IRX6: variants seen among roughly 807,000 people sequenced by gnomAD.
IRX6 encodes the protein iroquois-class homeodomain protein IRX-6.
Under a neutral mutation model 47.7 loss-of-function variants are expected in IRX6, and 46 were observed. The observed-to-expected ratio is 0.96, with a 90% confidence interval of 0.76 to 1.23. IRX6 has a LOEUF of 1.23. Ranked by LOEUF, IRX6 falls within the 50% of genes most tolerant of loss-of-function variation. The pLI, the probability that IRX6 is intolerant of heterozygous loss-of-function variation, is 0.00. For synonymous variants in IRX6, 265 were observed against 246.2 expected (o/e 1.08, Z -0.72); for missense variants, 722 against 588.0 (o/e 1.23, Z -2.36).
chr16:55,328,713 C>T lies in IRX6; in HGVS notation c.735C>T (p.Ser245=), dbSNP rs199714803. ...LTADTKEVTA[S]QEARGLRLSD... ...GATTTCCTGCAGAAGTTACTGCTAGCCAGGAGGCCCGGGGGCTCCGGCTGA... is the reference window on the plus strand; with the variant it reads ...GATTTCCTGCAGAAGTTACTGCTAGTCAGGAGGCCCGGGGGCTCCGGCTGA... The change falls in exon 5 of 6, where the codon AGC becomes AGT. Residue 245 remains serine, a synonymous_variant. Coordinates refer to ENST00000290552, the MANE Select transcript of IRX6 (RefSeq NM_024335.3). 1.0e-4 allele frequency: 166 copies of T among 1,612,924 alleles called. No individual in the cohort carries two copies. Among genetic ancestry groups the T allele is most frequent in the Non-Finnish European group, 1.3e-4 (154 of 1,179,940 alleles).
chr16:55,326,807 C>A, intron 2 of IRX6: 1 of 496,578 alleles, frequency 2.0e-6, no homozygotes, highest in East Asian at 3.1e-5. Flanking sequence ...GGCAAGTAAT[C>A]ATTAATCTCA....
At chr16:55,329,922 C>A (rs1386679598) in intron 5 of IRX6, among the ~76,000 whole-genome samples, 6 of 152,190 alleles carry the variant, frequency 3.9e-5, no homozygotes, top group African/African-American at 1.4e-4. Flanking sequence ...AGCACTCTAC[C>A]CAGGGCTCAT....
chr16:55,325,563 A>AAG lies in IRX6; in HGVS notation c.45+429_45+430dup, dbSNP rs1567338611. The stretch of plus-strand genomic sequence containing the variant: ...AGAGAGAGAGAGAGAGAGAGAGAGA[A>AAG]AGAAAGAGAAAGAAAGAAAGAAGGA... On this transcript the variant is annotated intron_variant, in intron 1 of 5. Coordinates refer to ENST00000290552, the MANE Select transcript of IRX6 (RefSeq NM_024335.3). Among the ~76,000 whole-genome samples the AAG allele has an allele frequency of 2.4e-4, 3 of 12,560 alleles. 1 individual carries two copies. The highest frequency in any genetic ancestry group is 3.5e-4 in the African/African-American group (1 of 2,848). 8.2% of individuals were successfully genotyped at this position (12,560 alleles called of 152,430 possible).
chr16:55,327,978 G>T, intron 4 of IRX6, 85 bp downstream of exon 4: 1 of 1,392,638 alleles, frequency 7.2e-7, no homozygotes, highest in South Asian at 1.4e-5. Context: ...CTGTAGGGTA[G>T]ATTTTCTGGA....
At chr16:55,327,119 T>C (rs577070639) in intron 2 of IRX6, among the ~76,000 whole-genome samples, 177 bp from the exon 3 acceptor site, 231 of 152,178 alleles carry the variant, frequency 1.5e-3, no homozygotes, top group Middle Eastern at 6.8e-3. Context: ...ATTATCCCCA[T>C]TTTACCAAGG....
chr16:55,325,620 A>C, intron 1 of IRX6, among the ~76,000 whole-genome samples: 1 of 150,832 alleles, frequency 6.6e-6, no homozygotes. Context: ...AGAAAGAAAG[A>C]ACTTGTAGGC....
rs777253951 is a variant in IRX6 at position 55,326,307 on chromosome 16, C to T, written c.46-29C>T. ...CGGGGGTGGGGGGGGGGTCTCTGAC[C>T]TCCAGTGCCCTCTTTCTTGCCCCTA... On this transcript the variant is annotated intron_variant, in intron 1 of 5. Coordinates refer to ENST00000290552, the MANE Select transcript of IRX6 (RefSeq NM_024335.3). 1.1e-5 allele frequency: 18 copies of T among 1,577,392 alleles called. No homozygotes were observed. In the African/African-American group the frequency reaches 1.9e-4, roughly 17 times the overall value.
At position 55,328,816 on chromosome 16, in the gene IRX6, G is replaced by A. The variant is rs1226859039; in HGVS notation, c.838G>A (p.Asp280Asn). 1.9e-6 allele frequency: 3 copies of A among 1,613,072 alleles called. No individual in the cohort carries two copies. The highest frequency in any genetic ancestry group is 1.1e-5 in the South Asian group (1 of 91,082). Reference sequence around the variant, plus strand: ...CGAGGAGGTAGTGGCCACAGCTGGGGACAGGCTGACGGAGTTCCGAAAGGG... The same window carrying A: ...CGAGGAGGTAGTGGCCACAGCTGGGAACAGGCTGACGGAGTTCCGAAAGGG... Reference protein sequence around the residue: ...EDEEVVATAGDRLTEFRKGAQ... With the variant: ...EDEEVVATAGNRLTEFRKGAQ... The change falls in exon 5 of 6, where the codon GAC becomes AAC. Residue 280 changes from aspartate to asparagine, a missense_variant. Transcript: ENST00000290552.
chr16:55,328,484 AAGGGTGGTTGC>A (rs1960577046), intron 4 of IRX6, among the ~76,000 whole-genome samples: 1 of 152,136 alleles, frequency 6.6e-6, no homozygotes, highest in Non-Finnish European at 1.5e-5. Flanking sequence ...GAGTCCGCTA[AAGGGTGGTTGC>A]AGGGCTGGGG....
intron 4 of IRX6, 141 bp from the exon 5 acceptor site, chr16:55,328,559 G>A (rs977360692): frequency 3.5e-6 from 3 of 849,800 alleles, no homozygotes; most frequent in African/African-American, 1.7e-5. Context: ...AATGCAAGGG[G>A]TGGTACGGCA....
chr16:55,328,462 TCGC>T (rs2142270164), intron 4 of IRX6, among the ~76,000 whole-genome samples: 1 of 152,292 alleles, frequency 6.6e-6, no homozygotes, highest in South Asian at 2.1e-4. Context: ...TTGGCACTGC[TCGC>T]TAGAGGAGGA....
intron 1 of IRX6, 25 bp downstream of exon 1, chr16:55,325,161 AG>A: frequency 6.2e-7 from 1 of 1,612,270 alleles, no homozygotes; most frequent in Non-Finnish European, 8.5e-7. Flanking sequence ...TATGGGGGAT[AG>A]GGGACAGACT....
rs746455750 is a variant in IRX6, at chr16:55,326,309, C to G, written c.46-27C>G. 40 of 1,586,116 alleles carry G rather than the reference C, an allele frequency of 2.5e-5. 1 individual carries two copies. In the South Asian group the frequency reaches 4.4e-4, roughly 18 times the overall value. ...GGGGTGGGGGGGGGGTCTCTGACCTCCAGTGCCCTCTTTCTTGCCCCTATA... is the reference window on the plus strand; with the variant it reads ...GGGGTGGGGGGGGGGTCTCTGACCTGCAGTGCCCTCTTTCTTGCCCCTATA... On this transcript the variant is annotated intron_variant, in intron 1 of 5. Transcript: ENST00000290552.
rs866274875 is a variant in IRX6 at position 55,329,122 on chromosome 16, C to T, written c.1144C>T (p.Pro382Ser). 1 of 1,614,130 alleles carries T rather than the reference C, an allele frequency of 6.2e-7. No homozygotes were observed. The highest frequency in any genetic ancestry group is 8.5e-7 in the Non-Finnish European group (1 of 1,180,040). ...ACGAAGTCCTGAGTGCCGTATGATT[C>T]CTGGACAGCCTCCTGCCTCTGCCCG... ...RPRSPECRMIPGQPPASARRL... is the reference protein window; with the variant it reads ...RPRSPECRMISGQPPASARRL... The change falls in exon 5 of 6, where the codon CCT becomes TCT. Residue 382 changes from proline to serine, a missense_variant. Coordinates refer to ENST00000290552, the MANE Select transcript of IRX6 (RefSeq NM_024335.3).
chr16:55,325,196 C>G (rs555245719), intron 1 of IRX6, 60 bp downstream of exon 1: 4 of 1,524,526 alleles, frequency 2.6e-6, no homozygotes, highest in Admixed American at 3.4e-5. Flanking sequence ...GCCTAGTGCA[C>G]GGCGCCTGCC....
chr16:55,326,288 TGGG>T, intron 1 of IRX6, 45 bp from the exon 2 acceptor site: 16 of 950,046 alleles, frequency 1.7e-5, no homozygotes, highest in Non-Finnish European at 2.3e-5. Context: ...GGGGCGGGGG[TGGG>T]GGGGGGGTCT....
rs762498626 is a variant in IRX6, at chr16:55,327,377, C to T, written c.385C>T (p.Arg129Trp). 1.9e-6 allele frequency: 3 copies of T among 1,613,542 alleles called. No homozygotes were observed. Among genetic ancestry groups the T allele is most frequent in the South Asian group, 1.1e-5 (1 of 91,062 alleles). Residue 129 changes from arginine to tryptophan, a missense_variant, in exon 3 of 6, where the codon CGG becomes TGG. Coordinates refer to ENST00000290552, the MANE Select transcript of IRX6 (RefSeq NM_024335.3). ...ACCAGGAGCCTATTATCCCTATGAGCGGACTCTGGGGCAGTACCAATATGA... is the reference window on the plus strand; with the variant it reads ...ACCAGGAGCCTATTATCCCTATGAGTGGACTCTGGGGCAGTACCAATATGA... Reference protein sequence around the residue: ...AQPGAYYPYERTLGQYQYERY... With the variant: ...AQPGAYYPYEWTLGQYQYERY...
At position 55,327,398 on chromosome 16, in the gene IRX6, T is replaced by C. The variant is rs1567339385; in HGVS notation, c.406T>C (p.Tyr136His). Residue 136 changes from tyrosine to histidine, a missense_variant, in exon 3 of 6, where the codon TAT (tyrosine) becomes CAT (histidine). Transcript: ENST00000290552. ...PYERTLGQYQ[Y>H]ERYGAVELSG... ...TGAGCGGACTCTGGGGCAGTACCAA[T>C]ATGAACGGTAAGGAGTGAAGGGCCT... 3 of 1,612,022 alleles carry C rather than the reference T, an allele frequency of 1.9e-6. No homozygotes were observed. Among genetic ancestry groups the C allele is most frequent in the Non-Finnish European group, 2.5e-6 (3 of 1,178,192 alleles).
Position 55,329,327 on chromosome 16 carries a change from C to G in IRX6, c.1333+16C>G, listed in dbSNP as rs372644995. On this transcript the variant is annotated intron_variant, in intron 5 of 5. Transcript: ENST00000290552. ...GGAGCAGAAGGTAGTGGGCCCCCAG[C>G]GGCGCTGGGAGTATCTATGCAAAAG... 44 of 1,581,432 alleles carry G rather than the reference C, an allele frequency of 2.8e-5. No individual in the cohort carries two copies. In the African/African-American group the frequency reaches 4.6e-4, roughly 16 times the overall value.
Sources: allele counts gnomAD v4.1 joint callset (sites outside exome capture counted in the v4.1 genomes callset), GRCh38; gene constraint gnomAD v4.1.1; transcripts MANE v1.5; gene names NCBI Gene and HGNC (gene_info 2026-07-23, HGNC 2026-07-21).